POC1B: variants seen among roughly 807,000 people sequenced by gnomAD.
POC1B encodes POC1 centriolar protein homolog B.
POC1B carries 44 observed loss-of-function variants against 60.6 expected under a neutral mutation model. That is an observed-to-expected ratio of 0.73 (90% CI 0.57 to 0.93). The LOEUF is 0.93. Ranked by LOEUF, POC1B falls within the 40% of genes least tolerant of loss-of-function variation. POC1B has a pLI of 0.00. For synonymous variants in POC1B, 180 were observed against 198.9 expected (o/e 0.90, Z 0.80); for missense variants, 555 against 572.3 (o/e 0.97, Z 0.31).
chr12:89,447,327 A>G (rs1157112942), intron 10 of POC1B, among the ~76,000 whole-genome samples: 2 of 152,300 alleles, frequency 1.3e-5, no homozygotes, highest in South Asian at 2.1e-4. Context: ...TATTATATAT[A>G]TAATTCACGG....
chr12:89,502,252 C>G (rs1292573162), intron 2 of POC1B: 1 of 1,439,760 alleles, frequency 6.9e-7, no homozygotes, highest in Non-Finnish European at 9.7e-7. Flanking sequence ...TGACTCAAAA[C>G]GAACTAAAGT....
chr12:89,514,501 C>T (rs575308116), intron 2 of POC1B, among the ~76,000 whole-genome samples: 1 of 142,200 alleles, frequency 7.0e-6, no homozygotes, highest in Admixed American at 7.6e-5. Flanking sequence ...CTTTGCCTCC[C>T]GGGTTCAAGC....
At chr12:89,406,781 G>A in the POC1B span, among the ~76,000 whole-genome samples, 8 of 151,848 alleles carry the variant, frequency 5.3e-5, no homozygotes, top group East Asian at 1.2e-3. Flanking sequence ...CTACATGCCC[G>A]ATACGTAATA....
intron 10 of POC1B, among the ~76,000 whole-genome samples, chr12:89,449,239 CT>C (rs1447367215): frequency 6.6e-6 from 1 of 152,146 alleles, no homozygotes; most frequent in Non-Finnish European, 1.5e-5. Context: ...AGGAAGTTAC[CT>C]TACCCCTTTA....
intron 10 of POC1B, chr12:89,425,642 G>T: frequency 3.7e-6 from 1 of 271,558 alleles, no homozygotes; most frequent in South Asian, 8.7e-5. Context: ...ACTGATCTGA[G>T]GGATCTACCA....
At chr12:89,445,629 TG>T (rs1256521241) in intron 10 of POC1B, among the ~76,000 whole-genome samples, 15 of 152,178 alleles carry the variant, frequency 9.9e-5, no homozygotes, top group Admixed American at 9.8e-4. Context: ...AAGACTTAAA[TG>T]TTACACCTAA....
At chr12:89,425,524 T>C (rs1389383267) in intron 10 of POC1B, 145 bp from the exon 11 acceptor site, 2 of 543,790 alleles carry the variant, frequency 3.7e-6, no homozygotes, top group African/African-American at 3.8e-5. Context: ...TGGAAATTAC[T>C]ATAATTAAAT....
chr12:89,523,524 A>G lies in POC1B; in HGVS notation c.100+1596T>C, dbSNP rs199790853. The stretch of plus-strand genomic sequence containing the variant: ...TGCCACCACACTGCCACACCCTAAA[A>G]GACAGCTCAAGGTTTTCACCTCCCC... On this transcript the variant is annotated intron_variant, in intron 2 of 11. Coordinates refer to ENST00000313546, the MANE Select transcript of POC1B (RefSeq NM_172240.3). 2.1e-3 allele frequency: 3,351 copies of G among 1,607,730 alleles called. 7 individuals are homozygous for G. Among genetic ancestry groups the G allele is most frequent in the Middle Eastern group, 6.2e-3 (37 of 6,006 alleles).
chr12:89,412,421 G>A, the POC1B span, among the ~76,000 whole-genome samples: 1 of 144,708 alleles, frequency 6.9e-6, no homozygotes, highest in Non-Finnish European at 1.5e-5. Flanking sequence ...GCTCACACCT[G>A]TAATCCCAGC....
At chr12:89,517,515 C>T (rs1432239117) in intron 2 of POC1B, among the ~76,000 whole-genome samples, 1 of 152,074 alleles carries the variant, frequency 6.6e-6, no homozygotes, top group Non-Finnish European at 1.5e-5. Context: ...CACCTATAGT[C>T]CCAGCTACTT....
chr12:89,470,660 G>A (rs117345505), intron 6 of POC1B, among the ~76,000 whole-genome samples, 166 bp from the exon 7 acceptor site: 3,784 of 152,292 alleles, frequency 0.025, 72 homozygotes, highest in Non-Finnish European at 0.036. Context: ...ATAGCTCTAA[G>A]CTTCCAGTTA....
intron 2 of POC1B, among the ~76,000 whole-genome samples, chr12:89,503,087 A>ATCCCTATCCCTG: frequency 6.6e-6 from 1 of 151,826 alleles, no homozygotes; most frequent in Non-Finnish European, 1.5e-5. Context: ...ATCTATCCCT[A>ATCCCTATCCCTG]TCCCTATCCC....
At chr12:89,434,219 G>C (rs917666578) in intron 10 of POC1B, among the ~76,000 whole-genome samples, 1 of 152,186 alleles carries the variant, frequency 6.6e-6, no homozygotes, top group Non-Finnish European at 1.5e-5. Context: ...TTCAGCTTTG[G>C]GGATAAGATT....
chr12:89,510,348 C>G (rs1202215092), intron 2 of POC1B, among the ~76,000 whole-genome samples: 1 of 152,170 alleles, frequency 6.6e-6, no homozygotes, highest in Non-Finnish European at 1.5e-5. Context: ...CTGAAGTGCT[C>G]AGAGAGATTT....
In POC1B at chr12:89,420,429, A is replaced by G. The variant is rs1880482405; in HGVS notation, c.*724T>C. ...CATAATTTTTGTGAACCATGATCAG[A>G]TACAACCCAAATCATTCATCTAGCA... On this transcript the variant is annotated 3_prime_UTR_variant, in exon 12 of 12. Transcript: ENST00000313546. 1 of 152,234 alleles carries G rather than the reference A, an allele frequency of 6.6e-6. No homozygotes were observed. Among genetic ancestry groups the G allele is most frequent in the African/African-American group, 2.4e-5 (1 of 41,476 alleles). The allele number at this position is 152,234 out of a possible 1,614,324, so 9.4% of individuals were successfully genotyped here.
Position 89,467,668 on chromosome 12 carries a change from A to C in POC1B, c.828T>G (p.Val276=), listed in dbSNP as rs756905490. The change falls in exon 8 of 12, where the codon GTT becomes GTG. Residue 276 remains valine (V), a synonymous_variant. Transcript: ENST00000313546. ...LQGHTGPVFT[V]SFSKGGELFA... ...ATAGCTCTCCACCTTTTGAAAATGA[A>C]ACAGTAAAGACAGGTCCCTGAGAAA... The C allele has an allele frequency of 2.0e-5, 32 of 1,611,676 alleles. No homozygotes were observed. Among genetic ancestry groups the C allele is most frequent in the African/African-American group, 2.7e-5 (2 of 74,886 alleles).
chr12:89,423,860 G>A (rs1880645472), intron 11 of POC1B, among the ~76,000 whole-genome samples: 1 of 152,174 alleles, frequency 6.6e-6, no homozygotes, highest in African/African-American at 2.4e-5. Context: ...GAAAGAACAG[G>A]GAATGGAAGG....
At chr12:89,476,959 T>C (rs1883149009) in intron 4 of POC1B, among the ~76,000 whole-genome samples, 1 of 152,142 alleles carries the variant, frequency 6.6e-6, no homozygotes, top group African/African-American at 2.4e-5. Context: ...TCTTCAGTAG[T>C]AGGAGGAAGC....
chr12:89,491,156 C>T (rs1205582868), intron 4 of POC1B, among the ~76,000 whole-genome samples: 4 of 152,162 alleles, frequency 2.6e-5, no homozygotes, highest in Non-Finnish European at 5.9e-5. Flanking sequence ...TTTCCTCATA[C>T]AGCCACCAGG....
Sources: allele counts gnomAD v4.1 joint callset (sites outside exome capture counted in the v4.1 genomes callset), GRCh38; gene constraint gnomAD v4.1.1; transcripts MANE v1.5; gene names NCBI Gene and HGNC (gene_info 2026-07-23, HGNC 2026-07-21).